The following SLCO5A1 variants were observed in gnomAD, a reference collection of about 807,000 sequenced individuals.
SLCO5A1 encodes the protein solute carrier organic anion transporter family member 5A1.
A neutral mutation model predicts 65.1 loss-of-function variants in SLCO5A1; 39 were observed. That is an observed-to-expected ratio of 0.60 (90% confidence interval 0.46 to 0.78). The LOEUF (loss-of-function observed/expected upper bound fraction) is 0.78, where lower values mean the gene tolerates loss of function less well. Ranked by LOEUF, SLCO5A1 falls within the 30% of genes least tolerant of loss-of-function variation. The pLI is 0.00. For missense variants in SLCO5A1, 1,029 were observed against 1,069.4 expected, an observed-to-expected ratio of 0.96 and a Z score of 0.53; for synonymous variants, 438 against 415.7, an observed-to-expected ratio of 1.05 and a Z score of -0.65.
intron 9 of SLCO5A1, 39 bp from the exon 10 acceptor site, chr8:69,673,365 A>C: frequency 6.5e-7 from 1 of 1,541,924 alleles, no homozygotes; most frequent in Non-Finnish European, 8.9e-7. Context: ...AAGACTTAGC[A>C]CATCTTCCAA....
chr8:69,819,372 A>G (rs1410276671), intron 2 of SLCO5A1, among the ~76,000 whole-genome samples: 1 of 151,370 alleles, frequency 6.6e-6, no homozygotes, highest in Non-Finnish European at 1.5e-5. Context: ...AGGCAGGCAC[A>G]CTGCTTGGGT....
At chr8:69,766,509 T>TTGTG (rs369338918) in intron 2 of SLCO5A1, among the ~76,000 whole-genome samples, 1 of 151,418 alleles carries the variant, frequency 6.6e-6, no homozygotes, top group Non-Finnish European at 1.5e-5. Flanking sequence ...ATGTGTGTGT[T>TTGTG]TGTGTGTGTG....
rs978430761 is a variant in SLCO5A1, at chr8:69,670,908, G to A, written c.*1961C>T. ...TAAAGGATCAGAGCTCTCCCATAGA[G>A]GGTAAAGGGGAACCCTGAGGCCCCA... On this transcript the variant is annotated 3_prime_UTR_variant, in exon 10 of 10. Transcript: ENST00000260126. The A allele has an allele frequency of 2.0e-5, 3 of 152,238 alleles. No individual in the cohort carries two copies. The highest frequency in any genetic ancestry group is 2.1e-4 in the South Asian group (1 of 4,824). The allele number at this position is 152,238 out of a possible 1,614,324, so 9.4% of individuals were successfully genotyped here. A position where few individuals can be genotyped will look rare whatever the true frequency, so the allele number is the denominator to read the frequency against.
chr8:69,726,753 G>C (rs1816098815), intron 5 of SLCO5A1, among the ~76,000 whole-genome samples: 1 of 151,912 alleles, frequency 6.6e-6, no homozygotes, highest in Non-Finnish European at 1.5e-5. Flanking sequence ...TGCCCGCCTT[G>C]GCCTCCCAAA....
intron 4 of SLCO5A1, among the ~76,000 whole-genome samples, chr8:69,740,747 A>T (rs546599516): frequency 6.6e-6 from 1 of 152,296 alleles, no homozygotes; most frequent in South Asian, 2.1e-4. Context: ...AGAAAGCAAA[A>T]ATGTGCTCAT....
chr8:69,810,626 C>T (rs1820172140), intron 2 of SLCO5A1, among the ~76,000 whole-genome samples: 1 of 152,134 alleles, frequency 6.6e-6, no homozygotes, highest in African/African-American at 2.4e-5. Flanking sequence ...GTAGAAAAAT[C>T]AATTAATGAG....
intron 5 of SLCO5A1, among the ~76,000 whole-genome samples, chr8:69,712,820 A>G (rs999294345): frequency 2.0e-5 from 3 of 152,220 alleles, no homozygotes; most frequent in African/African-American, 7.2e-5. Flanking sequence ...TTATTATATA[A>G]AATCTTATAT....
chr8:69,784,605 T>C (rs1219325707), intron 2 of SLCO5A1, among the ~76,000 whole-genome samples: 4 of 151,734 alleles, frequency 2.6e-5, no homozygotes, highest in Non-Finnish European at 5.9e-5. Flanking sequence ...CTAGCCAACA[T>C]GGTGAAACCC....
At chr8:69,686,872 G>A (rs1563661128) in intron 6 of SLCO5A1, among the ~76,000 whole-genome samples, 1 of 152,262 alleles carries the variant, frequency 6.6e-6, no homozygotes, top group East Asian at 1.9e-4. Flanking sequence ...GTCGGAAAGA[G>A]CTGGGTTCAA....
rs749384852 is a variant in SLCO5A1 at position 69,800,245 on chromosome 8, A to ATTTT, written c.907+31518_907+31521dup. 2.4e-3 allele frequency among the ~76,000 whole-genome samples: 196 copies of ATTTT among 81,296 alleles called. 16 individuals carry two copies. Among genetic ancestry groups the ATTTT allele is most frequent in the African/African-American group, 8.6e-3 (167 of 19,360 alleles). The allele number at this position is 81,296 out of a possible 152,430, so 53.3% of individuals were successfully genotyped here. A position where few individuals can be genotyped will look rare whatever the true frequency, so the allele number is the denominator to read the frequency against. On this transcript the variant is annotated intron_variant, in intron 2 of 9. Coordinates refer to ENST00000260126, the MANE Select transcript of SLCO5A1 (RefSeq NM_030958.3). ...ATTTTGAAAATTCACAGACGCTTGA[A>ATTTT]TTTTTTTTTTTTTTTTTTTTTTTTT...
At chr8:69,818,434 C>T (rs1820491824) in intron 2 of SLCO5A1, among the ~76,000 whole-genome samples, 1 of 152,192 alleles carries the variant, frequency 6.6e-6, no homozygotes, top group Admixed American at 6.5e-5. Flanking sequence ...ACAGAATCTG[C>T]ATCTTGACAA....
chr8:69,817,069 A>G (rs185025474), intron 2 of SLCO5A1, among the ~76,000 whole-genome samples: 31 of 152,320 alleles, frequency 2.0e-4, no homozygotes, highest in Admixed American at 5.2e-4. Flanking sequence ...GGTGTTAAGT[A>G]TATTCACATC....
chr8:69,763,314 A>G (rs1052556747), intron 2 of SLCO5A1, among the ~76,000 whole-genome samples: 4 of 149,464 alleles, frequency 2.7e-5, no homozygotes, highest in African/African-American at 9.8e-5. Context: ...CCATCTCAGA[A>G]AAAAAAAAAA....
chr8:69,698,288 G>T (rs1176696260), intron 6 of SLCO5A1, among the ~76,000 whole-genome samples: 1 of 152,048 alleles, frequency 6.6e-6, no homozygotes, highest in East Asian at 1.9e-4. Flanking sequence ...CCATGTATTT[G>T]CTATTGTGAA....
At chr8:69,766,751 T>C (rs1818076914) in intron 2 of SLCO5A1, among the ~76,000 whole-genome samples, 1 of 152,212 alleles carries the variant, frequency 6.6e-6, no homozygotes, top group Non-Finnish European at 1.5e-5. Context: ...ACATATTTCC[T>C]TTGTCCATCT....
chr8:69,826,315 A>C (rs1222827155), intron 2 of SLCO5A1, among the ~76,000 whole-genome samples: 1 of 151,890 alleles, frequency 6.6e-6, no homozygotes, highest in Admixed American at 6.6e-5. Context: ...CTGCACAGCA[A>C]AAGAAACTAC....
At chr8:69,796,103 C>A (rs982280894) in intron 2 of SLCO5A1, among the ~76,000 whole-genome samples, 1 of 152,164 alleles carries the variant, frequency 6.6e-6, no homozygotes, top group African/African-American at 2.4e-5. Flanking sequence ...GGCCTCTGGG[C>A]CTGTGATGGG....
intron 2 of SLCO5A1, among the ~76,000 whole-genome samples, chr8:69,765,170 ATATG>A (rs1403296814): frequency 2.6e-5 from 4 of 152,064 alleles, no homozygotes; most frequent in Admixed American, 2.0e-4. Context: ...CTGTGTATGT[ATATG>A]TATGTATATG....
At chr8:69,745,884 C>T (rs1816988871) in intron 4 of SLCO5A1, among the ~76,000 whole-genome samples, 1 of 152,092 alleles carries the variant, frequency 6.6e-6, no homozygotes, top group Non-Finnish European at 1.5e-5. Context: ...ATTTTATTTT[C>T]AGAAATGGGA....
Sources: allele counts gnomAD v4.1 joint callset (sites outside exome capture counted in the v4.1 genomes callset), GRCh38; gene constraint gnomAD v4.1.1; transcripts MANE v1.5; gene names NCBI Gene and HGNC (gene_info 2026-07-23, HGNC 2026-07-21).